PRKCQ: variants seen among roughly 807,000 people sequenced by gnomAD.
PRKCQ encodes protein kinase C theta type.
Under a neutral mutation model 91.2 loss-of-function variants are expected in PRKCQ, and 41 were observed. The observed-to-expected ratio is 0.45, with a 90% CI of 0.35 to 0.58. The LOEUF (loss-of-function observed/expected upper bound fraction) is 0.58, where lower values mean the gene tolerates loss of function less well. PRKCQ is among the 20% of genes least tolerant of loss of function. PRKCQ has a pLI of 0.00. For synonymous variants in PRKCQ, 307 were observed against 316.9 expected (o/e 0.97, Z 0.33); for missense variants, 673 against 896.5 (o/e 0.75, Z 3.18).
intron 15 of PRKCQ, among the ~76,000 whole-genome samples, chr10:6,447,716 C>G (rs544507561): frequency 6.6e-6 from 1 of 152,266 alleles, no homozygotes; most frequent in South Asian, 2.1e-4. Flanking sequence ...GGCCTCTGTC[C>G]CAGCAGTTGT....
intron 14 of PRKCQ, 151 bp downstream of exon 14, chr10:6,462,152 T>A: frequency 1.4e-6 from 1 of 698,114 alleles, no homozygotes; most frequent in Non-Finnish European, 2.5e-6. Context: ...TAAGTCATCA[T>A]CCATGTAATC....
intron 1 of PRKCQ, among the ~76,000 whole-genome samples, chr10:6,554,326 T>A (rs952348760): frequency 6.6e-6 from 1 of 152,016 alleles, no homozygotes; most frequent in Non-Finnish European, 1.5e-5. Context: ...AAAATGGGGG[T>A]CCAAACTGGG....
chr10:6,431,087 C>G, intron 16 of PRKCQ, 149 bp from the exon 17 acceptor site: 6 of 1,038,166 alleles, frequency 5.8e-6, no homozygotes, highest in Non-Finnish European at 8.1e-6. Flanking sequence ...GTCAACCTGT[C>G]CTGGCACTCT....
intron 1 of PRKCQ, chr10:6,515,574 T>C (rs574734009): frequency 1.4e-5 from 13 of 927,918 alleles, no homozygotes; most frequent in Non-Finnish European, 1.7e-5. Flanking sequence ...TAGTTAAATA[T>C]GACACCGCAA....
At chr10:6,575,693 G>A (rs1409234904) in intron 1 of PRKCQ, among the ~76,000 whole-genome samples, 2 of 152,194 alleles carry the variant, frequency 1.3e-5, no homozygotes, top group African/African-American at 4.8e-5. Flanking sequence ...CAATGATTGG[G>A]TAAAAAGTTA....
In PRKCQ at chr10:6,491,712, C is replaced by A. The variant is rs1206058542; in HGVS notation, c.761G>T (p.Gly254Val). The change falls in exon 8 of 18, where the codon GGA becomes GTA. Residue 254 changes from glycine to valine, a missense_variant. Physicochemically the swap from Gly to Val is moderately radical, Grantham distance 109 (BLOSUM62 -3). Coordinates refer to ENST00000263125, the MANE Select transcript of PRKCQ (RefSeq NM_006257.5). The stretch of plus-strand genomic sequence containing the variant: ...ACACTTGAGTCCTTGCCGTGCCAGT[C>A]CCCACAGCAGGGTCCCACAGTGTTC... ...FCEHCGTLLW[G>V]LARQGLKCDA... 1 of 1,614,190 alleles carries A rather than the reference C, an allele frequency of 6.2e-7. No homozygotes were observed. The highest frequency in any genetic ancestry group is 8.5e-7 in the Non-Finnish European group (1 of 1,180,032).
intron 14 of PRKCQ, among the ~76,000 whole-genome samples, chr10:6,461,852 T>C (rs1489026058): frequency 6.6e-6 from 1 of 152,146 alleles, no homozygotes; most frequent in Non-Finnish European, 1.5e-5. Flanking sequence ...TGAGATACAA[T>C]AGTGTCAATC....
chr10:6,475,722 C>G (rs556776236), intron 12 of PRKCQ, among the ~76,000 whole-genome samples: 1 of 152,352 alleles, frequency 6.6e-6, no homozygotes, highest in East Asian at 1.9e-4. Context: ...AAAGCATTAT[C>G]CATATCACGT....
At chr10:6,559,077 T>A (rs997091779) in intron 1 of PRKCQ, among the ~76,000 whole-genome samples, 11 of 152,200 alleles carry the variant, frequency 7.2e-5, no homozygotes, top group African/African-American at 2.4e-4. Context: ...GCCTATCTGC[T>A]AACATTTCAG....
intron 12 of PRKCQ, among the ~76,000 whole-genome samples, chr10:6,475,516 G>T (rs1337409423): frequency 3.9e-5 from 6 of 152,152 alleles, no homozygotes; most frequent in Non-Finnish European, 7.3e-5. Flanking sequence ...GTGAATACCT[G>T]TCCTCAGAAT....
At chr10:6,556,431 T>TG (rs71379863) in intron 1 of PRKCQ, among the ~76,000 whole-genome samples, 1 of 75,168 alleles carries the variant, frequency 1.3e-5, no homozygotes, top group African/African-American at 3.6e-5. Flanking sequence ...GACCCTGTCT[T>TG]GGGAAAAAAA....
chr10:6,513,723 G>A (rs992120224), intron 2 of PRKCQ, among the ~76,000 whole-genome samples: 2 of 152,206 alleles, frequency 1.3e-5, no homozygotes, highest in Non-Finnish European at 2.9e-5. Flanking sequence ...GTGGCTGGAA[G>A]GACAAAGTCA....
At chr10:6,459,049 C>T (rs1439638849) in intron 14 of PRKCQ, among the ~76,000 whole-genome samples, 1 of 152,144 alleles carries the variant, frequency 6.6e-6, no homozygotes, top group Non-Finnish European at 1.5e-5. Context: ...AGCAGCCTTG[C>T]CCCTGAAGCT....
At chr10:6,572,095 C>T (rs2387585) in intron 1 of PRKCQ, among the ~76,000 whole-genome samples, 72,163 of 152,086 alleles carry the variant, frequency 0.47, 20,879 homozygotes, top group Non-Finnish European at 0.62. Context: ...TCCCGCGATC[C>T]AGGCCCAGGG....
At chr10:6,572,225 AATTTTT>A (rs1243439724) in intron 1 of PRKCQ, among the ~76,000 whole-genome samples, 16 of 152,266 alleles carry the variant, frequency 1.1e-4, no homozygotes, top group East Asian at 1.9e-4. Context: ...AATTTTCTTT[AATTTTT>A]ATTTTTATTT....
At chr10:6,412,802 C>T in the PRKCQ span, among the ~76,000 whole-genome samples, 1 of 152,202 alleles carries the variant, frequency 6.6e-6, no homozygotes, top group Admixed American at 6.5e-5. Flanking sequence ...AAGCGGGTTA[C>T]AAGTGACTTG....
rs1319105332 is a variant in PRKCQ, at chr10:6,498,521, G to A, written c.417C>T (p.Phe139=). ...KDMNEFETEG[F]FALHQRRGAI... is the part of the protein sequence containing the mutation. ...CACCCCGGCGCTGATGCAAAGCAAA[G>A]AAGCCTTCCGTCTCAAATTCATTCA... The change falls in exon 5 of 18, where the codon TTC becomes TTT. Residue 139 remains phenylalanine (F), a synonymous_variant. Transcript: ENST00000263125. 6.2e-7 allele frequency: 1 copy of A among 1,614,134 alleles called. No individual in the cohort carries two copies. The highest frequency in any genetic ancestry group is 1.1e-5 in the South Asian group (1 of 91,080).
intron 4 of PRKCQ, among the ~76,000 whole-genome samples, chr10:6,505,226 G>T (rs1411374327): frequency 6.6e-6 from 1 of 152,054 alleles, no homozygotes; most frequent in Non-Finnish European, 1.5e-5. Context: ...CTAGGCTTAT[G>T]TCATTATTGT....
At chr10:6,544,397 T>C (rs565770506) in intron 1 of PRKCQ, among the ~76,000 whole-genome samples, 1 of 152,288 alleles carries the variant, frequency 6.6e-6, no homozygotes, top group East Asian at 1.9e-4. Context: ...ATTCTAATAA[T>C]GCGATGACCA....
Sources: allele counts gnomAD v4.1 joint callset (sites outside exome capture counted in the v4.1 genomes callset), GRCh38; gene constraint gnomAD v4.1.1; transcripts MANE v1.5; gene names NCBI Gene and HGNC (gene_info 2026-07-23, HGNC 2026-07-21).